The following SHANK2 variants were observed in gnomAD, a reference collection of about 807,000 sequenced individuals.
SHANK2 encodes SH3 and multiple ankyrin repeat domains 2.
A neutral mutation model predicts 133.7 loss-of-function variants in SHANK2; 43 were observed. That is an observed-to-expected ratio of 0.32 (90% CI 0.25 to 0.41). The LOEUF (loss-of-function observed/expected upper bound fraction) is 0.41. SHANK2 is among the 10% of genes least tolerant of loss of function. The pLI is 1.00. For synonymous variants in SHANK2, 1,017 were observed against 952.8 expected (o/e 1.07, Z -1.24); for missense variants, 1,994 against 2,235.8 (o/e 0.89, Z 2.18).
At chr11:70,814,614 G>C (rs545087440) in intron 12 of SHANK2, among the ~76,000 whole-genome samples, 1 of 152,374 alleles carries the variant, frequency 6.6e-6, no homozygotes, top group South Asian at 2.1e-4. Context: ...AGAGGCCACT[G>C]GGCCAAAGAC....
chr11:70,706,065 A>T (rs1945656347), intron 14 of SHANK2: 1 of 152,996 alleles, frequency 6.5e-6, no homozygotes, highest in African/African-American at 2.4e-5. Context: ...TCCCTGGCTC[A>T]TCTCCCACCG....
intron 17 of SHANK2, among the ~76,000 whole-genome samples, chr11:70,542,944 C>T (rs1442232582): frequency 2.0e-5 from 3 of 151,930 alleles, no homozygotes; most frequent in Non-Finnish European, 2.9e-5. Flanking sequence ...AGGAAGGGGG[C>T]CCCCCCGGGA....
chr11:71,090,350 C>CTGTGTG (rs1216035619), intron 8 of SHANK2, among the ~76,000 whole-genome samples: 1 of 7,722 alleles, frequency 1.3e-4, no homozygotes, highest in African/African-American at 5.9e-4. Context: ...AACACAACCT[C>CTGTGTG]TGTGTGTGTG....
intron 14 of SHANK2, among the ~76,000 whole-genome samples, chr11:70,773,754 A>C (rs1223563075): frequency 6.6e-6 from 1 of 152,248 alleles, no homozygotes; most frequent in Admixed American, 6.5e-5. Context: ...AGGGGAATGC[A>C]AATCAAAACC....
chr11:71,137,432 C>T (rs1952465564), intron 3 of SHANK2, among the ~76,000 whole-genome samples: 1 of 151,832 alleles, frequency 6.6e-6, no homozygotes, highest in African/African-American at 2.4e-5. Flanking sequence ...GGCATCTGGG[C>T]TTTCAACAGA....
At chr11:71,112,623 C>A (rs1951907358) in intron 5 of SHANK2, among the ~76,000 whole-genome samples, 1 of 152,094 alleles carries the variant, frequency 6.6e-6, no homozygotes, top group Non-Finnish European at 1.5e-5. Flanking sequence ...GGAACAGCAC[C>A]AGGGGCCAGG....
Position 70,597,498 on chromosome 11 carries a change from T to C in SHANK2, c.2061+62330A>G, listed in dbSNP as rs2060417481. Among the ~76,000 whole-genome samples, 3 of 151,626 alleles carry C rather than the reference T, an allele frequency of 2.0e-5. No homozygotes were observed. In the South Asian group the frequency reaches 6.3e-4, roughly 32 times the overall value. ...GAGAGGATAGAGAGGGTAGAGAGGA[T>C]AGAGAGGGTAGAGAGGATAAGAGAT... is the stretch of plus-strand genomic sequence containing the variant. On this transcript the variant is annotated intron_variant, in intron 17 of 25. Coordinates refer to ENST00000601538, the MANE Select transcript of SHANK2 (RefSeq NM_012309.5).
intron 11 of SHANK2, among the ~76,000 whole-genome samples, chr11:70,829,737 G>A (rs914930380): frequency 1.3e-5 from 2 of 152,126 alleles, no homozygotes; most frequent in African/African-American, 2.4e-5. Context: ...AACTTTTCCC[G>A]CCCACACTCG....
chr11:70,698,347 C>T (rs1364997234), intron 15 of SHANK2: 5 of 349,624 alleles, frequency 1.4e-5, no homozygotes, highest in East Asian at 6.0e-5. Flanking sequence ...AATACTCCCC[C>T]GGGGGATGCT....
intron 6 of SHANK2, among the ~76,000 whole-genome samples, chr11:71,107,195 G>A (rs1951814982): frequency 6.6e-6 from 1 of 152,178 alleles, no homozygotes; most frequent in East Asian, 1.9e-4. Flanking sequence ...CAACCTCTAT[G>A]CGTGGTCACC....
In SHANK2 at chr11:71,175,488, G is replaced by C. The variant is rs1326451790; in HGVS notation, c.-12-28150C>G. Among the ~76,000 whole-genome samples the C allele has an allele frequency of 6.7e-6, 1 of 150,178 alleles. No individual in the cohort carries two copies. The highest frequency in any genetic ancestry group is 1.5e-5 in the Non-Finnish European group (1 of 67,724). The stretch of plus-strand genomic sequence containing the variant: ...ATAGACCAAGGCTGGTGAAAGAGAA[G>C]TGGGGACAAAAAAGGCAGAGGGGCA... On this transcript the variant is annotated intron_variant, in intron 2 of 25. Transcript: ENST00000601538. This position sits in a 1 kb window ranked among gnomAD's most constrained non-coding sequence, Gnocchi z 4.2.
intron 1 of SHANK2, among the ~76,000 whole-genome samples, chr11:71,233,741 G>C (rs1220753822): frequency 2.0e-5 from 3 of 152,132 alleles, no homozygotes; most frequent in African/African-American, 4.8e-5. Context: ...CTGAATTACT[G>C]AACTATTTAA....
intron 14 of SHANK2, among the ~76,000 whole-genome samples, chr11:70,795,591 A>T (rs1199925535): frequency 1.3e-5 from 2 of 151,966 alleles, no homozygotes; most frequent in Non-Finnish European, 2.9e-5. Flanking sequence ...TTTTTAGTAC[A>T]GACAGGGTTT....
chr11:71,088,600 G>A (rs910380653), intron 8 of SHANK2, among the ~76,000 whole-genome samples: 13 of 152,158 alleles, frequency 8.5e-5, no homozygotes, highest in Non-Finnish European at 1.0e-4. Flanking sequence ...TGTGAGACTC[G>A]AGAAAGATGT....
chr11:70,497,564 G>C (rs541124592), intron 21 of SHANK2, among the ~76,000 whole-genome samples: 1 of 152,278 alleles, frequency 6.6e-6, no homozygotes, highest in Non-Finnish European at 1.5e-5. Flanking sequence ...TACTAGATAC[G>C]TGATGCTGAC....
chr11:70,939,193 C>T (rs930152984), intron 10 of SHANK2, among the ~76,000 whole-genome samples: 7 of 152,120 alleles, frequency 4.6e-5, no homozygotes, highest in Non-Finnish European at 1.0e-4. Flanking sequence ...CTCAAGATCT[C>T]GTGCACTTAC....
intron 17 of SHANK2, among the ~76,000 whole-genome samples, chr11:70,556,122 T>G (rs939534179): frequency 3.3e-5 from 5 of 152,258 alleles, no homozygotes; most frequent in African/African-American, 9.6e-5. Context: ...CAATGTAGCC[T>G]GTTTAGGTTA....
intron 8 of SHANK2, among the ~76,000 whole-genome samples, chr11:71,076,945 G>A (rs1951228781): frequency 6.6e-6 from 1 of 152,196 alleles, no homozygotes; most frequent in Admixed American, 6.5e-5. Flanking sequence ...GGGAGCTGCT[G>A]GGACCCTCAA....
chr11:71,203,195 C>T (rs1954055953), intron 2 of SHANK2, among the ~76,000 whole-genome samples: 1 of 152,014 alleles, frequency 6.6e-6, no homozygotes, highest in Non-Finnish European at 1.5e-5. Context: ...GGAGATGTGC[C>T]CCAATTGTCT....
Sources: gnomAD v4.1 joint callset for allele counts (sites outside exome capture counted in the v4.1 genomes callset) on GRCh38, gnomAD v4.1.1 for gene constraint, Gnocchi (gnomAD v3.1) non-coding constraint, MANE v1.5 for transcripts, NCBI Gene and HGNC (gene_info 2026-07-23, HGNC 2026-07-21) for gene names.